The following SLC6A4 variants were observed in gnomAD, a reference collection of about 807,000 sequenced individuals.
SLC6A4 encodes the protein solute carrier family 6 member 4.
Under a neutral mutation model 73.4 loss-of-function variants are expected in SLC6A4, and 22 were observed. The ratio of observed to expected loss-of-function variants is 0.30; its 90% CI spans 0.21 to 0.43. The LOEUF is 0.43. SLC6A4 is among the 20% of genes least tolerant of loss of function. The probability of loss-of-function intolerance (pLI) is 1.00; values close to 1 mark genes in which losing one functional copy is unlikely to be tolerated. For missense variants in SLC6A4, 593 were observed against 808.5 expected (o/e 0.73, Z 3.23); for synonymous variants, 270 against 315.5 (o/e 0.86, Z 1.53).
At chr17:30,230,648 G>T (rs191007867) in intron 1 of SLC6A4, among the ~76,000 whole-genome samples, 3 of 152,204 alleles carry the variant, frequency 2.0e-5, no homozygotes, top group Admixed American at 6.5e-5. Flanking sequence ...GTTTGAAGTG[G>T]AACTACAAAA....
intron 14 of SLC6A4, among the ~76,000 whole-genome samples, chr17:30,198,881 C>T (rs1597630578): frequency 1.3e-5 from 2 of 152,208 alleles, no homozygotes; most frequent in African/African-American, 4.8e-5. Flanking sequence ...GAGACTTCTG[C>T]GGCCACAAAG....
intron 12 of SLC6A4, 84 bp downstream of exon 12, chr17:30,209,059 G>T: frequency 2.1e-6 from 2 of 939,868 alleles, no homozygotes; most frequent in Non-Finnish European, 1.7e-6. Flanking sequence ...GCCCCTCACA[G>T]CCTTTTTTGG....
intron 7 of SLC6A4, among the ~76,000 whole-genome samples, 154 bp downstream of exon 7, chr17:30,215,928 T>C (rs531664618): frequency 2.6e-5 from 4 of 152,304 alleles, no homozygotes; most frequent in Non-Finnish European, 4.4e-5. Flanking sequence ...TGGCCTCAAC[T>C]GTACTTTAAT....
At position 30,216,239 on chromosome 17, in the gene SLC6A4, C is replaced by T. The variant is rs1223239565; in HGVS notation, c.838-23G>A. 5 of 1,388,286 alleles carry T rather than the reference C, an allele frequency of 3.6e-6. No homozygotes were observed. In the Admixed American group the frequency reaches 5.9e-5, roughly 16 times the overall value. 86.0% of individuals were successfully genotyped at this position (1,388,286 alleles called of 1,614,324 possible). A position where few individuals can be genotyped will look rare whatever the true frequency, so the allele number is the denominator to read the frequency against. On this transcript the variant is annotated intron_variant, in intron 6 of 14. Transcript: ENST00000650711. ...CACCTGTAAGGAAGAAGGGTTATCA[C>T]CATGCTGTTCCAGGGAGGGGAGGGG... is the stretch of plus-strand genomic sequence containing the variant.
At position 30,207,805 on chromosome 17, in the gene SLC6A4, T is replaced by A; in HGVS notation, c.1577A>T (p.Lys526Met). The A allele has an allele frequency of 6.2e-7, 1 of 1,614,050 alleles. No homozygotes were observed. Among genetic ancestry groups the A allele is most frequent in the Non-Finnish European group, 8.5e-7 (1 of 1,179,962 alleles). Reference protein sequence around the residue: ...YGITQFCRDVKEMLGFSPGWF... With the variant: ...YGITQFCRDVMEMLGFSPGWF... ...CCCCGGGCTGAAGCCGAGCATTTCC[T>A]TCACGTCCCTGCAGAACTGAGTGAT... Residue 526 changes from lysine (K) to methionine (M), a missense_variant, in exon 13 of 15, where the codon AAG (lysine) becomes ATG (methionine). Transcript: ENST00000650711.
intron 8 of SLC6A4, among the ~76,000 whole-genome samples, chr17:30,215,000 C>CTTTCTTTCTTTCTTCTT (rs1285738656): frequency 2.1e-3 from 38 of 18,480 alleles, no homozygotes; most frequent in African/African-American, 5.8e-3. Flanking sequence ...TCCTTCCTTC[C>CTTTCTTTCTTTCTTCTT]TTTCTTTCTT....
chr17:30,220,436 T>C (rs186194450), intron 3 of SLC6A4, among the ~76,000 whole-genome samples: 122 of 152,272 alleles, frequency 8.0e-4, no homozygotes, highest in Non-Finnish European at 1.6e-3. Context: ...ATCTACAAGT[T>C]AACTACTTGA....
chr17:30,226,130 C>A (rs1228027932), intron 1 of SLC6A4, among the ~76,000 whole-genome samples: 1 of 152,204 alleles, frequency 6.6e-6, no homozygotes, highest in African/African-American at 2.4e-5. Context: ...GTTCATTTCT[C>A]AGGAAACTCA....
chr17:30,222,932 G>T lies in SLC6A4; in HGVS notation c.-220-17C>A. 1 of 904,020 alleles carries T rather than the reference G, an allele frequency of 1.1e-6. No individual in the cohort carries two copies. Among genetic ancestry groups the T allele is most frequent in the Non-Finnish European group, 1.6e-6 (1 of 627,612 alleles). The allele number at this position is 904,020 out of a possible 1,614,324, so 56.0% of individuals were successfully genotyped here. On this transcript the variant is annotated splice_polypyrimidine_tract_variant and intron_variant, in intron 1 of 14. Coordinates refer to ENST00000650711, the MANE Select transcript of SLC6A4 (RefSeq NM_001045.6). Reference sequence around the variant, plus strand: ...CCAGGAGACCTAGGGAGAAGAGTGTGCAGGTTACTGATGCTGGGGTGGTTG... The same window carrying T: ...CCAGGAGACCTAGGGAGAAGAGTGTTCAGGTTACTGATGCTGGGGTGGTTG...
At position 30,222,812 on chromosome 17, in the gene SLC6A4, T is replaced by A. The variant is rs1370838146; in HGVS notation, c.-124+7A>T. On this transcript the variant is annotated splice_region_variant and intron_variant, in intron 2 of 14. Coordinates refer to ENST00000650711, the MANE Select transcript of SLC6A4 (RefSeq NM_001045.6). ...CCGACTGGTCCTTAAACGGCACTGC[T>A]GCTCACCATTTGTTCTTCTTTCCAC... 4 of 1,304,690 alleles carry A rather than the reference T, an allele frequency of 3.1e-6. No homozygotes were observed. Among genetic ancestry groups the A allele is most frequent in the Non-Finnish European group, 4.0e-6 (4 of 988,950 alleles). The allele number at this position is 1,304,690 out of a possible 1,614,324, so 80.8% of individuals were successfully genotyped here.
rs759218857 is a variant in SLC6A4, at chr17:30,211,460, A to G, written c.1205-36T>C. The G allele has an allele frequency of 6.9e-6, 9 of 1,300,086 alleles. No homozygotes were observed. The South Asian group carries it at 8.3e-5, about 12-fold the overall frequency. The allele number at this position is 1,300,086 out of a possible 1,614,324, so 80.5% of individuals were successfully genotyped here. On this transcript the variant is annotated intron_variant, in intron 9 of 14. Coordinates refer to ENST00000650711, the MANE Select transcript of SLC6A4 (RefSeq NM_001045.6). This position sits in a 1 kb window ranked among gnomAD's most constrained non-coding sequence, Gnocchi z 4.0. ...GGGGAGAGAGGAGGAGGTGGTTGAC[A>G]AGACCTGTCCTACAAAGATGTCACA... is the stretch of plus-strand genomic sequence containing the variant.
At chr17:30,200,536 T>C (rs1274706169) in intron 14 of SLC6A4, among the ~76,000 whole-genome samples, 1 of 152,158 alleles carries the variant, frequency 6.6e-6, no homozygotes, top group Non-Finnish European at 1.5e-5. Context: ...CAGTAAGCGG[T>C]GGCTCACTCC....
intron 1 of SLC6A4, among the ~76,000 whole-genome samples, chr17:30,232,810 A>G (rs1366376785): frequency 3.3e-5 from 5 of 152,218 alleles, no homozygotes; most frequent in Non-Finnish European, 7.3e-5. Flanking sequence ...AGAGCAAACA[A>G]AAGTCAGGCT....
At chr17:30,221,517 C>T (rs1477060356) in intron 3 of SLC6A4, 99 bp downstream of exon 3, 4 of 1,018,520 alleles carry the variant, frequency 3.9e-6, no homozygotes, top group East Asian at 2.5e-5. Context: ...CACCCCAGGT[C>T]GCAGCCCACC....
intron 13 of SLC6A4, among the ~76,000 whole-genome samples, chr17:30,205,375 T>C (rs1359686051): frequency 6.6e-6 from 1 of 152,166 alleles, no homozygotes; most frequent in East Asian, 1.9e-4. Flanking sequence ...CCTCAAGGAA[T>C]TAATCCAATG....
At chr17:30,230,045 AAAGAAGAAGAAGAAGAAG>A (rs1189804200) in intron 1 of SLC6A4, among the ~76,000 whole-genome samples, 1 of 111,066 alleles carries the variant, frequency 9.0e-6, no homozygotes, top group Non-Finnish European at 1.8e-5. Context: ...GAAAAAGAAG[AAAGAAGAAGAAGAAGAAG>A]AAGAAGAAGA....
chr17:30,228,591 G>A (rs1482703937), intron 1 of SLC6A4, among the ~76,000 whole-genome samples: 3 of 152,166 alleles, frequency 2.0e-5, no homozygotes, highest in South Asian at 2.1e-4. Flanking sequence ...AGAGATCCAC[G>A]TGGGCACTCA....
chr17:30,221,878 T>C lies in SLC6A4; in HGVS notation c.81A>G (p.Leu27=), dbSNP rs777611774. Residue 27 remains leucine (L), a synonymous_variant, in exon 3 of 15, where the codon CTA becomes CTG. Coordinates refer to ENST00000650711, the MANE Select transcript of SLC6A4 (RefSeq NM_001045.6). ...DGEDCQENGV[L]QKVVPTPGDK... ...CCCCTGGGGTGGGAACAACCTTCTG[T>C]AGAACTCCGTTTTCCTGACAATCTT... 10 of 1,614,092 alleles carry C rather than the reference T, an allele frequency of 6.2e-6. No individual in the cohort carries two copies. In the Admixed American group the frequency reaches 6.7e-5, roughly 11 times the overall value.
chr17:30,229,808 G>A (rs947527255), intron 1 of SLC6A4, among the ~76,000 whole-genome samples: 3 of 151,988 alleles, frequency 2.0e-5, no homozygotes, highest in Admixed American at 1.3e-4. Context: ...ATCACCTGAG[G>A]TCAGAGTTCG....
Sources: gnomAD v4.1 joint callset for allele counts (sites outside exome capture counted in the v4.1 genomes callset) on GRCh38, gnomAD v4.1.1 for gene constraint, Gnocchi (gnomAD v3.1) non-coding constraint, MANE v1.5 for transcripts, NCBI Gene and HGNC (gene_info 2026-07-23, HGNC 2026-07-21) for gene names.